Variants in WWC1 observed in about 807,000 individuals in gnomAD.
The protein encoded by WWC1 is protein KIBRA.
Under a neutral mutation model 138.4 loss-of-function variants are expected in WWC1, and 55 were observed. The ratio of observed to expected loss-of-function variants is 0.40; its 90% CI spans 0.32 to 0.50. The LOEUF is 0.50. Ranked by LOEUF, WWC1 falls within the 20% of genes least tolerant of loss-of-function variation. The probability of loss-of-function intolerance (pLI) is 0.72; values close to 1 mark genes in which losing one functional copy is unlikely to be tolerated. For synonymous variants in WWC1, 524 were observed against 564.9 expected (o/e 0.93, Z 1.03); for missense variants, 1,226 against 1,420.4 (o/e 0.86, Z 2.20).
chr5:168,313,999 G>T (rs1456359022), intron 1 of WWC1, among the ~76,000 whole-genome samples: 1 of 152,188 alleles, frequency 6.6e-6, no homozygotes, highest in Non-Finnish European at 1.5e-5. Context: ...AGAAGGTCAG[G>T]TGCCAAAGGT....
intron 1 of WWC1, among the ~76,000 whole-genome samples, chr5:168,302,925 G>A (rs1770225940): frequency 6.6e-6 from 1 of 152,152 alleles, no homozygotes; most frequent in Admixed American, 6.5e-5. Context: ...GAACCACCTG[G>A]AGGTCTTGTT....
intron 15 of WWC1, among the ~76,000 whole-genome samples, chr5:168,436,664 C>T (rs1452629852): frequency 6.6e-6 from 1 of 152,170 alleles, no homozygotes; most frequent in Admixed American, 6.5e-5. Flanking sequence ...TCTCATTCTT[C>T]CATTGCTCAG....
In WWC1 at chr5:168,434,352, A is replaced by G. The variant is rs187722057; in HGVS notation, c.2280+2908A>G. ...TTCTGGTGGCTGGAGGAGGAGAGGA[A>G]GTGAGATGGGAGGAAAAAGGCCTGT... On this transcript the variant is annotated intron_variant, in intron 15 of 22. Transcript: ENST00000265293. 6.8e-4 allele frequency among the ~76,000 whole-genome samples: 85 copies of G among 125,326 alleles called. No homozygotes were observed. In the South Asian group the frequency reaches 9.2e-3, roughly 13 times the overall value. 82.2% of individuals were successfully genotyped at this position (125,326 alleles called of 152,430 possible).
chr5:168,406,030 G>T (rs1186305981), intron 5 of WWC1, among the ~76,000 whole-genome samples, 168 bp from the exon 6 acceptor site: 1 of 152,116 alleles, frequency 6.6e-6, no homozygotes, highest in Non-Finnish European at 1.5e-5. Flanking sequence ...CCCAGCCCGG[G>T]ACCTTCTATG....
At chr5:168,310,404 G>GTATA (rs372057282) in intron 1 of WWC1, among the ~76,000 whole-genome samples, 3 of 148,692 alleles carry the variant, frequency 2.0e-5, no homozygotes, top group Admixed American at 1.3e-4. Flanking sequence ...TTGTGTGTGT[G>GTATA]TATATATATA....
rs954219991 is a variant in WWC1 at position 168,436,081 on chromosome 5, G to A, written c.2280+4637G>A. Among the ~76,000 whole-genome samples, 7 of 152,144 alleles carry A rather than the reference G, an allele frequency of 4.6e-5. No individual in the cohort carries two copies. In the South Asian group the frequency reaches 1.0e-3, roughly 23 times the overall value. ...TGGTCTCAAACTTCTGACCTCAAGC[G>A]ATCCACCCACCTTTTCCTCCGAAAG... On this transcript the variant is annotated intron_variant, in intron 15 of 22. Coordinates refer to ENST00000265293, the MANE Select transcript of WWC1 (RefSeq NM_015238.3).
rs945495890 is a variant in WWC1 at position 168,395,303 on chromosome 5, C to G, written c.434-2421C>G. Among the ~76,000 whole-genome samples, 25 of 152,178 alleles carry G rather than the reference C, an allele frequency of 1.6e-4. 1 individual carries two copies. Among genetic ancestry groups the G allele is most frequent in the Admixed American group, 1.6e-3 (25 of 15,274 alleles). On this transcript the variant is annotated intron_variant, in intron 3 of 22. Transcript: ENST00000265293. The stretch of plus-strand genomic sequence containing the variant: ...CAGGGTGCTCCTAGAACAGACGTCC[C>G]CCGCTCCGCCCCACACCCCTTGAGG...
At position 168,454,065 on chromosome 5, in the gene WWC1, G is replaced by A. The variant is rs746960894; in HGVS notation, c.2623G>A (p.Ala875Thr). 1 of 1,613,482 alleles carries A rather than the reference G, an allele frequency of 6.2e-7. No individual in the cohort carries two copies. The highest frequency in any genetic ancestry group is 8.5e-7 in the Non-Finnish European group (1 of 1,179,954). Residue 875 changes from alanine to threonine, a missense_variant, in exon 18 of 23, where the codon GCC becomes ACC. By Grantham distance (58) the Ala-to-Thr change is moderately conservative. Transcript: ENST00000265293. The stretch of plus-strand genomic sequence containing the variant: ...AGAAGAGGATGTTTTCACCGAGAAA[G>A]CCTCACCTGATATGGATGGGTACCC... The part of the protein sequence containing the change: ...EGEEDVFTEK[A>T]SPDMDGYPAL...
intron 1 of WWC1, among the ~76,000 whole-genome samples, chr5:168,358,236 A>G (rs1303623568): frequency 6.6e-6 from 1 of 152,188 alleles, no homozygotes; most frequent in Non-Finnish European, 1.5e-5. Context: ...TAGTTTAGAA[A>G]AGGCTTCATA....
chr5:168,330,951 G>A (rs1047607181), intron 1 of WWC1, among the ~76,000 whole-genome samples: 6 of 152,154 alleles, frequency 3.9e-5, no homozygotes, highest in South Asian at 2.1e-4. Context: ...CTGCCAAGAC[G>A]AGCTGGGTGA....
chr5:168,395,244 A>C (rs1330838995), intron 3 of WWC1, among the ~76,000 whole-genome samples: 1 of 152,188 alleles, frequency 6.6e-6, no homozygotes, highest in Non-Finnish European at 1.5e-5. Flanking sequence ...CCATGTCCAG[A>C]GGCACAGCCT....
intron 1 of WWC1, among the ~76,000 whole-genome samples, chr5:168,341,640 G>A (rs1774043960): frequency 6.6e-6 from 1 of 151,732 alleles, no homozygotes; most frequent in Middle Eastern, 3.2e-3. Context: ...TAGGTAGCTG[G>A]CCTTTCAAAT....
Position 168,292,575 on chromosome 5 carries a change from G to A in WWC1, c.119+304G>A, listed in dbSNP as rs1286079282. On this transcript the variant is annotated intron_variant, in intron 1 of 22. Coordinates refer to ENST00000265293, the MANE Select transcript of WWC1 (RefSeq NM_015238.3). This position sits in a 1 kb window ranked among gnomAD's most constrained non-coding sequence, Gnocchi z 4.4. ...TTGACCTTAAGCTCTAGCCCCGCCC[G>A]CCCCCTTTAGGAAGAGAGGTCGGGC... 1.3e-5 allele frequency among the ~76,000 whole-genome samples: 2 copies of A among 152,020 alleles called. No homozygotes were observed. Among genetic ancestry groups the A allele is most frequent in the Non-Finnish European group, 2.9e-5 (2 of 67,954 alleles).
intron 20 of WWC1, 41 bp downstream of exon 20, chr5:168,460,783 C>G (rs1395144455): frequency 6.3e-7 from 1 of 1,595,606 alleles, no homozygotes; most frequent in South Asian, 1.1e-5. Flanking sequence ...GCCTGCTCCT[C>G]CCTCGTTGCC....
intron 8 of WWC1, 177 bp from the exon 9 acceptor site, chr5:168,414,171 T>C (rs552904202): frequency 1.2e-6 from 1 of 854,526 alleles, no homozygotes; most frequent in Admixed American, 3.0e-5. Flanking sequence ...TGTTGGCACA[T>C]GGTAGGCACC....
intron 1 of WWC1, among the ~76,000 whole-genome samples, chr5:168,304,605 AC>A (rs1431778616): frequency 2.6e-5 from 4 of 152,146 alleles, no homozygotes; most frequent in Non-Finnish European, 5.9e-5. Context: ...TGTCAGACCA[AC>A]TGAATCAGAA....
intron 1 of WWC1, among the ~76,000 whole-genome samples, chr5:168,329,014 T>G (rs1052169959): frequency 6.6e-6 from 1 of 152,198 alleles, no homozygotes; most frequent in Non-Finnish European, 1.5e-5. Context: ...AAGAATCAGC[T>G]TTTTCTGGCA....
At chr5:168,468,401 A>C (rs1444182384) in intron 22 of WWC1, among the ~76,000 whole-genome samples, 2 of 151,660 alleles carry the variant, frequency 1.3e-5, no homozygotes, top group Non-Finnish European at 2.9e-5. Flanking sequence ...GAGGGTCCCG[A>C]ATGCCATTTG....
rs372848126 is a variant in WWC1, at chr5:168,422,123, G to A, written c.1274+26G>A. The A allele has an allele frequency of 1.2e-5, 19 of 1,603,914 alleles. No homozygotes were observed. The African/African-American group carries it at 2.5e-4, about 21-fold the overall frequency. ...GTGAGTGGTGGGCGGTGAGGCCACTGCTCCCCTGGGCATGGCCAGACATGG... is the reference window on the plus strand; with the variant it reads ...GTGAGTGGTGGGCGGTGAGGCCACTACTCCCCTGGGCATGGCCAGACATGG... On this transcript the variant is annotated intron_variant, in intron 10 of 22. Coordinates refer to ENST00000265293, the MANE Select transcript of WWC1 (RefSeq NM_015238.3).
Sources: gnomAD v4.1 joint callset for allele counts (sites outside exome capture counted in the v4.1 genomes callset) on GRCh38, gnomAD v4.1.1 for gene constraint, Gnocchi (gnomAD v3.1) non-coding constraint, MANE v1.5 for transcripts, NCBI Gene and HGNC (gene_info 2026-07-23, HGNC 2026-07-21) for gene names.